PTPRJ: variants seen among roughly 807,000 people sequenced by gnomAD.
PTPRJ encodes the protein receptor-type tyrosine-protein phosphatase eta.
Under a neutral mutation model 141.3 loss-of-function variants are expected in PTPRJ, and 129 were observed. The observed-to-expected ratio is 0.91, with a 90% CI of 0.79 to 1.06. The LOEUF (loss-of-function observed/expected upper bound fraction) is 1.06, where lower values mean the gene tolerates loss of function less well. Among genes scored for constraint, PTPRJ ranks in the 50% least tolerant of loss-of-function variants. The pLI, the probability that PTPRJ is intolerant of heterozygous loss-of-function variation, is 0.00. For missense variants in PTPRJ, 1,601 were observed against 1,679.7 expected (o/e 0.95, Z 0.82); for synonymous variants, 610 against 640.5 (o/e 0.95, Z 0.72).
At chr11:47,990,642 C>G (rs1854165110) in intron 1 of PTPRJ, among the ~76,000 whole-genome samples, 1 of 150,818 alleles carries the variant, frequency 6.6e-6, no homozygotes, top group African/African-American at 2.4e-5. Flanking sequence ...GAACTGCTGA[C>G]CTCAAGTGAT....
At chr11:48,045,224 C>T (rs1282251041) in intron 1 of PTPRJ, among the ~76,000 whole-genome samples, 5 of 152,188 alleles carry the variant, frequency 3.3e-5, no homozygotes, top group Non-Finnish European at 5.9e-5. Context: ...TATTTTATCT[C>T]CTCACTGGGA....
chr11:48,127,731 T>A, intron 6 of PTPRJ, 49 bp from the exon 7 acceptor site: 1 of 1,590,612 alleles, frequency 6.3e-7, no homozygotes, highest in Non-Finnish European at 8.6e-7. Context: ...TCTCCCTCCC[T>A]CTGCCTTGGC....
At chr11:48,160,106 G>A (rs1175986548) in intron 22 of PTPRJ, 57 bp downstream of exon 22, 5 of 1,591,708 alleles carry the variant, frequency 3.1e-6, no homozygotes, top group Non-Finnish European at 4.3e-6. Flanking sequence ...TTAATTTGGG[G>A]GTGATATGTT....
intron 1 of PTPRJ, among the ~76,000 whole-genome samples, chr11:48,037,602 A>G (rs1434924145): frequency 1.3e-5 from 2 of 152,186 alleles, no homozygotes; most frequent in South Asian, 2.1e-4. Context: ...ACTTGAGTCC[A>G]GGAGTTCGAG....
At chr11:48,004,725 G>A (rs752258153) in intron 1 of PTPRJ, among the ~76,000 whole-genome samples, 49 of 152,252 alleles carry the variant, frequency 3.2e-4, no homozygotes, top group Non-Finnish European at 6.3e-4. Context: ...GGGTGTTTGC[G>A]GCAAGGTAGG....
intron 1 of PTPRJ, among the ~76,000 whole-genome samples, chr11:48,017,458 T>C (rs1260426743): frequency 6.6e-6 from 1 of 152,240 alleles, no homozygotes; most frequent in Non-Finnish European, 1.5e-5. Flanking sequence ...GATGCCTAGA[T>C]ACTTATACAT....
intron 18 of PTPRJ, among the ~76,000 whole-genome samples, chr11:48,153,106 A>G (rs1857521697): frequency 6.6e-6 from 1 of 152,156 alleles, no homozygotes; most frequent in Admixed American, 6.6e-5. Flanking sequence ...TGAGATGACA[A>G]ATATTGCCGG....
chr11:47,985,979 G>A (rs1295200690), intron 1 of PTPRJ, among the ~76,000 whole-genome samples: 2 of 152,044 alleles, frequency 1.3e-5, no homozygotes, highest in East Asian at 1.9e-4. Flanking sequence ...GGGATTACAG[G>A]CCTGAGCCAC....
chr11:48,031,256 G>A (rs886454995), intron 1 of PTPRJ, among the ~76,000 whole-genome samples: 1 of 152,196 alleles, frequency 6.6e-6, no homozygotes, highest in Non-Finnish European at 1.5e-5. Flanking sequence ...AGGAGCAGAA[G>A]GTAAATTCTG....
At chr11:48,101,084 C>T (rs576142773) in intron 1 of PTPRJ, among the ~76,000 whole-genome samples, 7 of 152,262 alleles carry the variant, frequency 4.6e-5, no homozygotes, top group South Asian at 4.1e-4. Context: ...CAGTGGCTGA[C>T]GGTGCCAGGT....
At chr11:48,164,558 ATTTTTTTTTTTTTTT>A in intron 24 of PTPRJ, 43 bp downstream of exon 24, 1 of 771,728 alleles carries the variant, frequency 1.3e-6, no homozygotes, top group Non-Finnish European at 1.6e-6. Context: ...CTTCCCCTCC[ATTTTTTTTTTTTTTT>A]TTTTTTTTTT....
chr11:48,024,890 A>G (rs1853765328), intron 1 of PTPRJ, among the ~76,000 whole-genome samples: 1 of 152,232 alleles, frequency 6.6e-6, no homozygotes, highest in Non-Finnish European at 1.5e-5. Context: ...GGCCTGCCAC[A>G]CAGTAGGGAA....
chr11:48,104,839 T>C (rs1165190996), intron 1 of PTPRJ, among the ~76,000 whole-genome samples: 1 of 152,136 alleles, frequency 6.6e-6, no homozygotes, highest in African/African-American at 2.4e-5. Context: ...AGCTTAGTGC[T>C]CCCTGGGGGT....
At position 48,136,040 on chromosome 11, in the gene PTPRJ, TC is replaced by T; in HGVS notation, c.1620del (p.Ser541ValfsTer33). 1.9e-6 allele frequency: 3 copies of T among 1,613,618 alleles called. No individual in the cohort carries two copies. The highest frequency in any genetic ancestry group is 2.5e-6 in the Non-Finnish European group (3 of 1,179,680). On this transcript the variant is annotated frameshift_variant and splice_region_variant, in exon 9 of 25. Transcript: ENST00000418331. LOFTEE classifies it high-confidence loss of function. ...TTCTCCTTCCTTTCTTCTGAGCAGT[TC>T]CCAGTGCAGTGTTTGACATCCACGT... ...ASRTVCNRTVPSAVFDIHVVY... is the reference protein window; with the variant it reads ...ASRTVCNRTVXSAVFDIHVVY...
rs760491005 is a variant in PTPRJ at position 48,112,962 on chromosome 11, C to G, written c.331C>G (p.Gln111Glu). The change falls in exon 3 of 25, where the codon CAA becomes GAA. Residue 111 changes from glutamine to glutamate, a missense_variant. Physicochemically the swap from Gln to Glu is conservative, Grantham distance 29. Transcript: ENST00000418331. Reference protein sequence around the residue: ...QGSNGTDGASQKTPSSTGPSP... With the variant: ...QGSNGTDGASEKTPSSTGPSP... ...ATCTAATGGGACTGATGGGGCATCT[C>G]AAAAAACTCCCAGTAGCACTGGTAA... 9.9e-6 allele frequency: 16 copies of G among 1,613,648 alleles called. No individual in the cohort carries two copies. In the African/African-American group the frequency reaches 1.5e-4, roughly 15 times the overall value.
intron 1 of PTPRJ, among the ~76,000 whole-genome samples, chr11:47,991,907 T>C (rs554564287): frequency 2.0e-5 from 3 of 152,302 alleles, no homozygotes; most frequent in Admixed American, 1.3e-4. Flanking sequence ...TCAACAGATA[T>C]TGGCTGCTAT....
chr11:48,167,086 GT>G, intron 24 of PTPRJ, 117 bp from the exon 25 acceptor site: 2 of 889,806 alleles, frequency 2.2e-6, no homozygotes, highest in Non-Finnish European at 3.5e-6. Context: ...ACCGTTTGCT[GT>G]TGGGTGGATG....
At chr11:47,981,749 C>A (rs1236249826) in intron 1 of PTPRJ, among the ~76,000 whole-genome samples, 1 of 145,718 alleles carries the variant, frequency 6.9e-6, no homozygotes, top group African/African-American at 2.5e-5. Flanking sequence ...ACCGACCTTT[C>A]CCCTTCCTGG....
intron 1 of PTPRJ, among the ~76,000 whole-genome samples, chr11:48,097,500 A>G (rs1179120446): frequency 6.6e-6 from 1 of 152,178 alleles, no homozygotes; most frequent in Non-Finnish European, 1.5e-5. Context: ...TAAGATGTGA[A>G]AAGTTGTTCT....
Sources: gnomAD v4.1 joint callset for allele counts (sites outside exome capture counted in the v4.1 genomes callset) on GRCh38, gnomAD v4.1.1 for gene constraint, MANE v1.5 for transcripts, NCBI Gene and HGNC (gene_info 2026-07-23, HGNC 2026-07-21) for gene names.